The following PANK3 variants were observed in gnomAD, a reference collection of about 807,000 sequenced individuals.
PANK3 encodes hPanK3.
Under a neutral mutation model 39.4 loss-of-function variants are expected in PANK3, and 20 were observed. The observed-to-expected ratio is 0.51, with a 90% CI of 0.36 to 0.74. The LOEUF is 0.74. Among genes scored for constraint, PANK3 ranks in the 30% least tolerant of loss-of-function variants. PANK3 has a pLI of 0.00. For synonymous variants in PANK3, 140 were observed against 157.3 expected (o/e 0.89, Z 0.82); for missense variants, 265 against 437.0 (o/e 0.61, Z 3.51).
Position 168,557,551 on chromosome 5 carries a change from A to T in PANK3, c.*20T>A, listed in dbSNP as rs577651602. ...TTCCTCTTGGATGACATTTATTAGC[A>T]GAGAGAGAGACCTGATGCTTTAGCT... On this transcript the variant is annotated 3_prime_UTR_variant, in exon 7 of 7. Coordinates refer to ENST00000239231, the MANE Select transcript of PANK3 (RefSeq NM_024594.4). The T allele has an allele frequency of 4.6e-5, 74 of 1,600,338 alleles. No homozygotes were observed. In the South Asian group the frequency reaches 7.9e-4, roughly 17 times the overall value.
intron 1 of PANK3, among the ~76,000 whole-genome samples, chr5:168,578,301 G>T (rs1179236315): frequency 2.0e-5 from 3 of 152,200 alleles, no homozygotes; most frequent in Non-Finnish European, 4.4e-5. Flanking sequence ...AGTTTTACAG[G>T]AACCCCGATA....
chr5:168,558,240 G>A (rs1394171442), intron 6 of PANK3, among the ~76,000 whole-genome samples: 1 of 150,658 alleles, frequency 6.6e-6, no homozygotes, highest in Non-Finnish European at 1.5e-5. Context: ...ACTCACTGCA[G>A]GCTCCGCCCC....
In PANK3 at chr5:168,549,940, T is replaced by C. The variant is rs1759251683; in HGVS notation, c.*7631A>G. On this transcript the variant is annotated 3_prime_UTR_variant, in exon 7 of 7. Transcript: ENST00000239231. The stretch of plus-strand genomic sequence containing the variant: ...ATTTTTTGTATTTTTAGTAGAGACA[T>C]GGTTCTTCCCACATCTATCCCCACT... 1 of 152,102 alleles carries C rather than the reference T, an allele frequency of 6.6e-6. No homozygotes were observed. The highest frequency in any genetic ancestry group is 2.4e-5 in the African/African-American group (1 of 41,406). 9.4% of individuals were successfully genotyped at this position (152,102 alleles called of 1,614,324 possible). A position where few individuals can be genotyped will look rare whatever the true frequency, so the allele number is the denominator to read the frequency against.
At position 168,554,121 on chromosome 5, in the gene PANK3, T is replaced by C. The variant is rs1759314010; in HGVS notation, c.*3450A>G. 1 of 152,212 alleles carries C rather than the reference T, an allele frequency of 6.6e-6. No homozygotes were observed. Among genetic ancestry groups the C allele is most frequent in the Admixed American group, 6.5e-5 (1 of 15,288 alleles). The allele number at this position is 152,212 out of a possible 1,614,324, so 9.4% of individuals were successfully genotyped here. A position where few individuals can be genotyped will look rare whatever the true frequency, so the allele number is the denominator to read the frequency against. On this transcript the variant is annotated 3_prime_UTR_variant, in exon 7 of 7. Coordinates refer to ENST00000239231, the MANE Select transcript of PANK3 (RefSeq NM_024594.4). Reference sequence around the variant, plus strand: ...TTACCTGGGAATTTATTCTCTCTTTTGTATTTTTGATAGTGATTACAAAGT... The same window carrying C: ...TTACCTGGGAATTTATTCTCTCTTTCGTATTTTTGATAGTGATTACAAAGT...
intron 1 of PANK3, among the ~76,000 whole-genome samples, chr5:168,571,224 G>A (rs1318016357): frequency 1.3e-5 from 2 of 152,088 alleles, no homozygotes; most frequent in Non-Finnish European, 2.9e-5. Context: ...TTTTCCAATT[G>A]TTCCCAAGGA....
chr5:168,558,857 T>C (rs1023321936), intron 6 of PANK3, among the ~76,000 whole-genome samples, 175 bp downstream of exon 6: 16 of 152,158 alleles, frequency 1.1e-4, no homozygotes, highest in African/African-American at 2.4e-4. Flanking sequence ...CAGTGGTGCA[T>C]ACCTGTGGTC....
chr5:168,558,697 G>A (rs1204559088), intron 6 of PANK3, among the ~76,000 whole-genome samples: 4 of 152,162 alleles, frequency 2.6e-5, no homozygotes, highest in African/African-American at 9.7e-5. Context: ...AAACTGAAGC[G>A]AAGGAACCAA....
In PANK3 at chr5:168,555,728, G is replaced by T. The variant is rs1759339474; in HGVS notation, c.*1843C>A. ...CATATGGGTAGTGGCTACTGCACTG[G>T]ACATCGAAGTTCTAGAACTCTCTCT... On this transcript the variant is annotated 3_prime_UTR_variant, in exon 7 of 7. Transcript: ENST00000239231. 6.6e-6 allele frequency: 1 copy of T among 152,196 alleles called. No individual in the cohort carries two copies. The highest frequency in any genetic ancestry group is 2.1e-4 in the South Asian group (1 of 4,830). The allele number at this position is 152,196 out of a possible 1,614,324, so 9.4% of individuals were successfully genotyped here.
At chr5:168,564,411 C>A (rs1759493652) in intron 3 of PANK3, among the ~76,000 whole-genome samples, 1 of 152,068 alleles carries the variant, frequency 6.6e-6, no homozygotes, top group Non-Finnish European at 1.5e-5. Flanking sequence ...AAAATCAGTA[C>A]CATATTAATT....
rs192102181 is a variant in PANK3 at position 168,572,478 on chromosome 5, A to C, written c.29-3480T>G. On this transcript the variant is annotated intron_variant, in intron 1 of 6. Coordinates refer to ENST00000239231, the MANE Select transcript of PANK3 (RefSeq NM_024594.4). ...AGGTTTTGGGATAGGCAGTGGAGTT[A>C]GGAGCAATGTTTTGAGGGCAGGGGG... Among the ~76,000 whole-genome samples the C allele has an allele frequency of 4.7e-3, 713 of 151,852 alleles. 3 individuals carry two copies. The highest frequency in any genetic ancestry group is 0.016 in the African/African-American group (680 of 41,386).
chr5:168,565,367 C>T (rs1229918550), intron 3 of PANK3, among the ~76,000 whole-genome samples: 2 of 152,070 alleles, frequency 1.3e-5, no homozygotes, highest in Non-Finnish European at 2.9e-5. Flanking sequence ...TATTTGGGAA[C>T]ATTAATGTTA....
chr5:168,564,221 T>C (rs1487093563), intron 3 of PANK3, among the ~76,000 whole-genome samples, 156 bp from the exon 4 acceptor site: 1 of 152,214 alleles, frequency 6.6e-6, no homozygotes, highest in Non-Finnish European at 1.5e-5. Flanking sequence ...GCAACAAAAA[T>C]TGTTTAGTAA....
rs33910263 is a variant in PANK3 at position 168,565,857 on chromosome 5, T to TAAAAAAAAAAAAAAAAA, written c.635+155_635+156insTTTTTTTTTTTTTTTTT. Among the ~76,000 whole-genome samples, 4 of 104,260 alleles carry TAAAAAAAAAAAAAAAAA rather than the reference T, an allele frequency of 3.8e-5. No homozygotes were observed. The East Asian group carries it at 1.1e-3, about 29-fold the overall frequency. 68.4% of individuals were successfully genotyped at this position (104,260 alleles called of 152,430 possible). ...GGGCAACATGGCACCCTCTTTCACT[T>TAAAAAAAAAAAAAAAAA]AAAAAAAAAAAATATATATATATAT... is the stretch of plus-strand genomic sequence containing the variant. On this transcript the variant is annotated intron_variant, in intron 3 of 6. Coordinates refer to ENST00000239231, the MANE Select transcript of PANK3 (RefSeq NM_024594.4).
intron 1 of PANK3, among the ~76,000 whole-genome samples, chr5:168,573,651 A>G (rs1034383716): frequency 1.6e-4 from 23 of 140,924 alleles, no homozygotes; most frequent in African/African-American, 5.7e-4. Context: ...ATATCTCCCA[A>G]TGCTATCCCT....
At position 168,555,479 on chromosome 5, in the gene PANK3, G is replaced by A. The variant is rs936218492; in HGVS notation, c.*2092C>T. 5 of 152,240 alleles carry A rather than the reference G, an allele frequency of 3.3e-5. No individual in the cohort carries two copies. Among genetic ancestry groups the A allele is most frequent in the African/African-American group, 9.6e-5 (4 of 41,456 alleles). 9.4% of individuals were successfully genotyped at this position (152,240 alleles called of 1,614,324 possible). On this transcript the variant is annotated 3_prime_UTR_variant, in exon 7 of 7. Transcript: ENST00000239231. Reference sequence around the variant, plus strand: ...GCTGGTCTCGAACTCCTGACCTCAGGTGACCTGCCCACCCTGGCCTCTCAA... The same window carrying A: ...GCTGGTCTCGAACTCCTGACCTCAGATGACCTGCCCACCCTGGCCTCTCAA...
chr5:168,568,688 A>G lies in PANK3; in HGVS notation c.339T>C (p.Ala113=), dbSNP rs1325596872. The part of the protein sequence containing the change: ...NFSTLQTVLC[A]TGGGAYKFEK... ...CAAACTTGTAAGCACCACCTCCTGT[A>G]GCACATAGCACCGTCTGCAATGTTG... Residue 113 remains alanine, a synonymous_variant, in exon 2 of 7, where the codon GCT becomes GCC. Transcript: ENST00000239231. 6.2e-7 allele frequency: 1 copy of G among 1,614,062 alleles called. No homozygotes were observed. Among genetic ancestry groups the G allele is most frequent in the South Asian group, 1.1e-5 (1 of 91,070 alleles).
chr5:168,561,348 T>A (rs749524404), intron 5 of PANK3, 45 bp downstream of exon 5: 22 of 1,527,134 alleles, frequency 1.4e-5, no homozygotes, highest in Non-Finnish European at 1.9e-5. Context: ...AGGACTCCAA[T>A]TCACATTTTT....
At chr5:168,577,394 T>C (rs1471431471) in intron 1 of PANK3, among the ~76,000 whole-genome samples, 1 of 152,122 alleles carries the variant, frequency 6.6e-6, no homozygotes, top group Non-Finnish European at 1.5e-5. Flanking sequence ...GTTGTAATAA[T>C]CAACTTATTT....
At chr5:168,558,980 T>G in intron 6 of PANK3, 52 bp downstream of exon 6, 1 of 1,563,046 alleles carries the variant, frequency 6.4e-7, no homozygotes, top group East Asian at 2.3e-5. Flanking sequence ...CAAGACCCTG[T>G]CTCTTAAAAA....
Sources: allele counts gnomAD v4.1 joint callset (sites outside exome capture counted in the v4.1 genomes callset), GRCh38; gene constraint gnomAD v4.1.1; transcripts MANE v1.5; gene names NCBI Gene and HGNC (gene_info 2026-07-23, HGNC 2026-07-21).